The following PTGFRN variants were observed in gnomAD, a reference collection of about 807,000 sequenced individuals.
PTGFRN encodes the protein prostaglandin F2 receptor negative regulator.
Under a neutral mutation model 83.2 loss-of-function variants are expected in PTGFRN, and 35 were observed. The ratio of observed to expected loss-of-function variants is 0.42; its 90% CI spans 0.32 to 0.56. The LOEUF (loss-of-function observed/expected upper bound fraction) is 0.56. Among genes scored for constraint, PTGFRN ranks in the 20% least tolerant of loss-of-function variants. PTGFRN has a pLI of 0.11. For missense variants in PTGFRN, 1,051 were observed against 1,179.5 expected (o/e 0.89, Z 1.60); for synonymous variants, 519 against 498.6 (o/e 1.04, Z -0.55).
At chr1:116,959,732 G>A (rs747562345) in intron 4 of PTGFRN, among the ~76,000 whole-genome samples, 79 of 152,236 alleles carry the variant, frequency 5.2e-4, no homozygotes, top group Non-Finnish European at 8.4e-4. Flanking sequence ...CCAGCACTTT[G>A]GGAGGCTGAG....
chr1:116,942,596 C>A (rs1650091195), intron 2 of PTGFRN, among the ~76,000 whole-genome samples: 1 of 152,156 alleles, frequency 6.6e-6, no homozygotes, highest in Non-Finnish European at 1.5e-5. Flanking sequence ...TAATGATGCT[C>A]AGGTTTATGG....
intron 4 of PTGFRN, among the ~76,000 whole-genome samples, chr1:116,951,190 G>A (rs1302045017): frequency 6.6e-6 from 1 of 152,182 alleles, no homozygotes; most frequent in East Asian, 1.9e-4. Context: ...ATTGATCCCG[G>A]CATACCCGGG....
intron 8 of PTGFRN, among the ~76,000 whole-genome samples, chr1:116,985,894 C>T (rs542005443): frequency 4.6e-5 from 7 of 152,130 alleles, no homozygotes; most frequent in South Asian, 4.1e-4. Flanking sequence ...CCTTGGTTTA[C>T]AAAAAACATG....
intron 1 of PTGFRN, among the ~76,000 whole-genome samples, chr1:116,929,679 T>C (rs1024296987): frequency 6.6e-6 from 1 of 152,216 alleles, no homozygotes; most frequent in African/African-American, 2.4e-5. Flanking sequence ...CCACACTTCA[T>C]ATTGTCATAT....
chr1:116,942,046 T>C lies in PTGFRN; in HGVS notation c.381T>C (p.Thr127=). ...YKCSTPSTDA[T]VQGNYEDTVQ... is the part of the protein sequence containing the mutation. ...GTTCAACCCCCAGCACAGATGCCAC[T>C]GTCCAGGGAAACTATGAGGACACAG... Residue 127 remains threonine (T), a synonymous_variant, in exon 2 of 9, where the codon ACT becomes ACC. Transcript: ENST00000393203. 1.2e-6 allele frequency: 2 copies of C among 1,614,128 alleles called. No homozygotes were observed. The highest frequency in any genetic ancestry group is 1.7e-6 in the Non-Finnish European group (2 of 1,179,982).
At position 116,941,592 on chromosome 1, in the gene PTGFRN, C is replaced by G. The variant is rs1051929321; in HGVS notation, c.50-123C>G. The G allele has an allele frequency of 6.1e-6, 8 of 1,315,894 alleles. No individual in the cohort carries two copies. The highest frequency in any genetic ancestry group is 2.2e-5 in the Admixed American group (1 of 44,470). The allele number at this position is 1,315,894 out of a possible 1,614,324, so 81.5% of individuals were successfully genotyped here. On this transcript the variant is annotated intron_variant, in intron 1 of 8. Coordinates refer to ENST00000393203, the MANE Select transcript of PTGFRN (RefSeq NM_020440.4). The surrounding 1 kb of genome is among the most constrained non-coding windows in gnomAD (Gnocchi z 5.0). ...AACCTTCTGCATAGATACATTTTCC[C>G]TAGTAGTTTGGCTGTCACGTTTCTG...
chr1:116,916,679 T>A (rs1649414780), intron 1 of PTGFRN, among the ~76,000 whole-genome samples: 3 of 152,202 alleles, frequency 2.0e-5, no homozygotes, highest in Admixed American at 6.5e-5. Flanking sequence ...ATGGCAGTTC[T>A]CTCCTTCACT....
At chr1:116,924,143 ATTTTTTTT>A (rs147663868) in intron 1 of PTGFRN, among the ~76,000 whole-genome samples, 2 of 116,130 alleles carry the variant, frequency 1.7e-5, no homozygotes, top group Non-Finnish European at 3.4e-5. Flanking sequence ...CTGTGCATGT[ATTTTTTTT>A]TTTTTTTTTT....
intron 6 of PTGFRN, among the ~76,000 whole-genome samples, chr1:116,969,385 A>C (rs1553181215): frequency 6.6e-6 from 1 of 152,068 alleles, no homozygotes; most frequent in Non-Finnish European, 1.5e-5. Context: ...TTGTTTTGGC[A>C]CCCCTGTCAA....
At chr1:116,916,178 A>G (rs1247206215) in intron 1 of PTGFRN, among the ~76,000 whole-genome samples, 2 of 152,182 alleles carry the variant, frequency 1.3e-5, no homozygotes, top group Non-Finnish European at 2.9e-5. Context: ...ATGTTCTGGG[A>G]CCTTAATTGC....
chr1:116,951,152 A>G (rs1026457021), intron 4 of PTGFRN, among the ~76,000 whole-genome samples: 6 of 152,190 alleles, frequency 3.9e-5, no homozygotes, highest in East Asian at 3.9e-4. Context: ...TTGCACTCCA[A>G]TTTGAGGCTT....
intron 5 of PTGFRN, among the ~76,000 whole-genome samples, chr1:116,963,869 A>G (rs1266978524): frequency 6.6e-6 from 1 of 151,526 alleles, no homozygotes; most frequent in Non-Finnish European, 1.5e-5. Flanking sequence ...CCTCCTAGGT[A>G]GGTTAAAGTT....
chr1:116,939,911 G>T (rs1650018657), intron 1 of PTGFRN, among the ~76,000 whole-genome samples: 1 of 152,126 alleles, frequency 6.6e-6, no homozygotes, highest in African/African-American at 2.4e-5. Flanking sequence ...CATTCTCTTT[G>T]CTAAAACATA....
At chr1:116,931,194 C>T (rs1649790581) in intron 1 of PTGFRN, among the ~76,000 whole-genome samples, 1 of 152,204 alleles carries the variant, frequency 6.6e-6, no homozygotes, top group Admixed American at 6.5e-5. Context: ...TTTGGATTTT[C>T]AGATTGGGAA....
In PTGFRN at chr1:116,961,586, C is replaced by G; in HGVS notation, c.1557C>G (p.Ala519=). The G allele has an allele frequency of 6.2e-7, 1 of 1,614,170 alleles. No homozygotes were observed. Among genetic ancestry groups the G allele is most frequent in the Non-Finnish European group, 8.5e-7 (1 of 1,180,036 alleles). Residue 519 remains alanine, a synonymous_variant, in exon 5 of 9, where the codon GCC becomes GCG. Coordinates refer to ENST00000393203, the MANE Select transcript of PTGFRN (RefSeq NM_020440.4). This position sits in a 1 kb window ranked among gnomAD's most constrained non-coding sequence, Gnocchi z 5.4. ...GCAATTATTACTGTGTTGTGTCTGC[C>G]TGGACCAAACAGCGGAACAACAGCT... ...DRGNYYCVVS[A]WTKQRNNSWV...
At chr1:116,917,213 T>C (rs2253973) in intron 1 of PTGFRN, among the ~76,000 whole-genome samples, 21,528 of 152,046 alleles carry the variant, frequency 0.14, 3,023 homozygotes, top group African/African-American at 0.36. Flanking sequence ...GAAGGAACTC[T>C]GAGTCAGAAA....
Position 116,984,941 on chromosome 1 carries a change from C to T in PTGFRN, c.2429C>T (p.Ala810Val). ...CCAACAGGTTCCTGGCAGAAGGAGG[C>T]AGAGATCCACTCCAAGCCCGTTTTT... ...KSPTGSWQKE[A>V]EIHSKPVFIT... Residue 810 changes from alanine to valine, a missense_variant, in exon 8 of 9, where the codon GCA (alanine) becomes GTA (valine). Physicochemically the swap from Ala to Val is moderately conservative, Grantham distance 64. This residue lies in a region of PTGFRN where 719 missense variants were observed against 836.6 expected (regional missense o/e 0.86). Coordinates refer to ENST00000393203, the MANE Select transcript of PTGFRN (RefSeq NM_020440.4). The T allele has an allele frequency of 6.2e-7, 1 of 1,614,122 alleles. No homozygotes were observed. The highest frequency in any genetic ancestry group is 8.5e-7 in the Non-Finnish European group (1 of 1,180,010).
At chr1:116,927,221 G>A (rs1182987947) in intron 1 of PTGFRN, among the ~76,000 whole-genome samples, 1 of 152,180 alleles carries the variant, frequency 6.6e-6, no homozygotes, top group African/African-American at 2.4e-5. Context: ...CTGACATGAA[G>A]TTCTATTTTG....
At chr1:116,960,000 G>A (rs1650602881) in intron 4 of PTGFRN, among the ~76,000 whole-genome samples, 1 of 152,036 alleles carries the variant, frequency 6.6e-6, no homozygotes, top group African/African-American at 2.4e-5. Context: ...GAAGAAAAAT[G>A]TAGCCTTTTC....
Sources: gnomAD v4.1 joint callset for allele counts (sites outside exome capture counted in the v4.1 genomes callset) on GRCh38, gnomAD v4.1.1 for gene constraint, gnomAD v4.1.1 regional missense constraint, Gnocchi (gnomAD v3.1) non-coding constraint, MANE v1.5 for transcripts, NCBI Gene and HGNC (gene_info 2026-07-23, HGNC 2026-07-21) for gene names.